SLC26A5: variants seen among roughly 807,000 people sequenced by gnomAD.
SLC26A5 encodes solute carrier family 26 member 5.
Under a neutral mutation model 81.0 loss-of-function variants are expected in SLC26A5, and 51 were observed. The observed-to-expected ratio is 0.63, with a 90% CI of 0.50 to 0.80. SLC26A5 has a LOEUF of 0.80. Ranked by LOEUF, SLC26A5 falls within the 30% of genes least tolerant of loss-of-function variation. The probability of loss-of-function intolerance (pLI) is 0.00; values close to 1 mark genes in which losing one functional copy is unlikely to be tolerated. For missense variants in SLC26A5, 771 were observed against 905.8 expected (o/e 0.85, Z 1.91); for synonymous variants, 325 against 332.8 (o/e 0.98, Z 0.25).
At chr7:103,438,347 G>A (rs1256356988) in intron 2 of SLC26A5, among the ~76,000 whole-genome samples, 15 of 150,596 alleles carry the variant, frequency 1.0e-4, no homozygotes, top group Admixed American at 1.3e-4. Flanking sequence ...TAAAATATTC[G>A]TCATAATTTT....
At chr7:103,375,416 T>C (rs927734215) in intron 19 of SLC26A5, among the ~76,000 whole-genome samples, 6 of 152,106 alleles carry the variant, frequency 3.9e-5, no homozygotes, top group African/African-American at 1.4e-4. Context: ...AAGCTAATGT[T>C]AGTCTGCCCT....
At chr7:103,362,347 G>C in intron 19 of SLC26A5, 1 of 1,356,282 alleles carries the variant, frequency 7.4e-7, no homozygotes, top group Non-Finnish European at 9.4e-7. Flanking sequence ...GTCCATTTAA[G>C]GTAACATGGT....
intron 2 of SLC26A5, chr7:103,435,169 T>C (rs1826360496): frequency 6.6e-6 from 1 of 152,232 alleles, no homozygotes; most frequent in Middle Eastern, 3.2e-3. Context: ...TCTTTTTTAT[T>C]TTCTGATTGC....
rs942330416 is a variant in SLC26A5 at position 103,412,545 on chromosome 7, T to C, written c.403+457A>G. ...TAGAAATCTTGGGAGGAGTGTAGTTTTTTTTTTGTTTTTTTTTTTTTTGAG... is the reference window on the plus strand; with the variant it reads ...TAGAAATCTTGGGAGGAGTGTAGTTCTTTTTTTGTTTTTTTTTTTTTTGAG... On this transcript the variant is annotated intron_variant, in intron 5 of 19. Coordinates refer to ENST00000306312, the MANE Select transcript of SLC26A5 (RefSeq NM_198999.3). Among the ~76,000 whole-genome samples, 110 of 133,090 alleles carry C rather than the reference T, an allele frequency of 8.3e-4. 1 individual carries two copies. Among genetic ancestry groups the C allele is most frequent in the Non-Finnish European group, 1.3e-3 (87 of 66,390 alleles). The allele number at this position is 133,090 out of a possible 152,430, so 87.3% of individuals were successfully genotyped here. A position where few individuals can be genotyped will look rare whatever the true frequency, so the allele number is the denominator to read the frequency against.
chr7:103,374,155 AC>A, downstream of SLC26A5: 1 of 1,283,980 alleles, frequency 7.8e-7, no homozygotes, highest in Non-Finnish European at 9.9e-7. Flanking sequence ...CAAAGATAAT[AC>A]TAGAATGTAG....
intron 14 of SLC26A5, among the ~76,000 whole-genome samples, chr7:103,386,819 A>G (rs1212275406): frequency 6.6e-6 from 1 of 151,518 alleles, no homozygotes; most frequent in Non-Finnish European, 1.5e-5. Flanking sequence ...CTGGAGTGCA[A>G]TGGCTCAATC....
At chr7:103,361,530 A>G (rs372359660) in intron 19 of SLC26A5, among the ~76,000 whole-genome samples, 6,541 of 149,820 alleles carry the variant, frequency 0.044, 219 homozygotes, top group African/African-American at 0.074. Flanking sequence ...AAAAAAAAAA[A>G]AAAGAAAAAC....
chr7:103,432,061 G>T (rs1437255279), intron 2 of SLC26A5, among the ~76,000 whole-genome samples: 1 of 151,962 alleles, frequency 6.6e-6, no homozygotes, highest in Non-Finnish European at 1.5e-5. Context: ...CACTACAGGT[G>T]CATGCCACCA....
Position 103,367,913 on chromosome 7 carries a change from C to T in SLC26A5, c.2041+8895G>A, listed in dbSNP as rs183253099. 16 of 1,613,774 alleles carry T rather than the reference C, an allele frequency of 9.9e-6. No homozygotes were observed. The highest frequency in any genetic ancestry group is 6.7e-5 in the East Asian group (3 of 44,866). On this transcript the variant is annotated intron_variant, in intron 19 of 19. Transcript: ENST00000339444. The surrounding 1 kb of genome is among the most constrained non-coding windows in gnomAD (Gnocchi z 6.1). The stretch of plus-strand genomic sequence containing the variant: ...GTTTGAAAGGTGCTGAGATTAGAAG[C>T]GTCTGCACAGAGGCTGGTATGTTTG...
intron 19 of SLC26A5, among the ~76,000 whole-genome samples, chr7:103,361,566 A>G (rs1820417889): frequency 6.6e-6 from 1 of 152,072 alleles, no homozygotes; most frequent in South Asian, 2.1e-4. Context: ...ACTCAGGAAA[A>G]GAATGAAAAC....
intron 4 of SLC26A5, among the ~76,000 whole-genome samples, chr7:103,419,648 C>T (rs1825182930): frequency 6.6e-6 from 1 of 152,124 alleles, no homozygotes; most frequent in East Asian, 1.9e-4. Context: ...AGTGATTATC[C>T]TGCTTCAGCC....
At chr7:103,381,575 T>C (rs1471373211) in intron 14 of SLC26A5, among the ~76,000 whole-genome samples, 1 of 147,236 alleles carries the variant, frequency 6.8e-6, no homozygotes, top group Non-Finnish European at 1.5e-5. Context: ...CCTACATACA[T>C]ATACACACAC....
intron 19 of SLC26A5, chr7:103,363,253 T>G: frequency 1.0e-6 from 1 of 994,062 alleles, no homozygotes; most frequent in East Asian, 2.5e-5. Context: ...TTGTGAGTTT[T>G]TCTTTTAAGG....
intron 14 of SLC26A5, among the ~76,000 whole-genome samples, chr7:103,385,003 C>A (rs1489257942): frequency 6.6e-6 from 1 of 152,134 alleles, no homozygotes; most frequent in East Asian, 1.9e-4. Flanking sequence ...AGGCCCTCAA[C>A]AAATACCTAT....
At chr7:103,391,886 T>C (rs2116483958) in intron 10 of SLC26A5, 151 bp from the exon 11 acceptor site, 2 of 720,502 alleles carry the variant, frequency 2.8e-6, no homozygotes, top group Non-Finnish European at 2.5e-6. Context: ...GAGTTCAAAA[T>C]AGGAATTATG....
chr7:103,427,023 A>G (rs1326476390), intron 2 of SLC26A5, among the ~76,000 whole-genome samples: 1 of 152,158 alleles, frequency 6.6e-6, no homozygotes, highest in African/African-American at 2.4e-5. Context: ...CCATTTCGCC[A>G]CAGGCAGGAA....
chr7:103,406,575 A>G (rs1257071056), intron 8 of SLC26A5, among the ~76,000 whole-genome samples: 4 of 151,544 alleles, frequency 2.6e-5, no homozygotes, highest in African/African-American at 9.7e-5. Flanking sequence ...GAAATCACCC[A>G]CCTTCTGTGT....
In SLC26A5 at chr7:103,378,520, T is replaced by C. The variant is rs1369565710; in HGVS notation, c.1711A>G (p.Arg571Gly). 24 of 1,614,160 alleles carry C rather than the reference T, an allele frequency of 1.5e-5. No homozygotes were observed. Among genetic ancestry groups the C allele is most frequent in the Non-Finnish European group, 2.0e-5 (24 of 1,180,016 alleles). The change falls in exon 17 of 20, where the codon AGG becomes GGG. Residue 571 changes from arginine (R) to glycine (G), a missense_variant. By Grantham distance (125) the Arg-to-Gly change is moderately radical. Transcript: ENST00000306312. ...GCGTACTTCCGCATGGCCTTTCTCC[T>C]TGCTCCCATGATGACTGCTGGGTTC... is the stretch of plus-strand genomic sequence containing the variant. Reference protein sequence around the residue: ...GVNPAVIMGARRKAMRKYAKE... With the variant: ...GVNPAVIMGAGRKAMRKYAKE...
intron 8 of SLC26A5, among the ~76,000 whole-genome samples, chr7:103,400,873 A>G (rs1176094295): frequency 6.6e-6 from 1 of 152,038 alleles, no homozygotes; most frequent in Non-Finnish European, 1.5e-5. Flanking sequence ...ATGGTTGTAG[A>G]TGTGTGGTGT....
Sources: allele counts gnomAD v4.1 joint callset (sites outside exome capture counted in the v4.1 genomes callset), GRCh38; gene constraint gnomAD v4.1.1; non-coding constraint Gnocchi (gnomAD v3.1); transcripts MANE v1.5; gene names NCBI Gene and HGNC (gene_info 2026-07-23, HGNC 2026-07-21).